PCNX1: variants seen among roughly 807,000 people sequenced by gnomAD.
The protein encoded by PCNX1 is pecanex-like protein 1.
PCNX1 carries 78 observed loss-of-function variants against 242.2 expected under a neutral mutation model. The ratio of observed to expected loss-of-function variants is 0.32; its 90% CI spans 0.27 to 0.39. The LOEUF is 0.39. Among genes scored for constraint, PCNX1 ranks in the 10% least tolerant of loss-of-function variants. The pLI, the probability that PCNX1 is intolerant of heterozygous loss-of-function variation, is 1.00. For missense variants in PCNX1, 2,581 were observed against 2,856.5 expected (o/e 0.90, Z 2.20); for synonymous variants, 1,024 against 1,032.9 (o/e 0.99, Z 0.17).
chr14:71,071,089 A>G (rs537321743), intron 26 of PCNX1, among the ~76,000 whole-genome samples: 2 of 152,286 alleles, frequency 1.3e-5, no homozygotes, highest in South Asian at 2.1e-4. Context: ...CCCAATCTCT[A>G]CTAGCTTCCA....
At chr14:71,105,554 T>A (rs79334123) in intron 33 of PCNX1, 114 bp downstream of exon 33, 3 of 251,874 alleles carry the variant, frequency 1.2e-5, no homozygotes, top group Non-Finnish European at 2.0e-5. Context: ...AGAAATAGAA[T>A]TTTTTTTTTT....
rs1239193700 is a variant in PCNX1, at chr14:70,978,168, G to A, written c.1831G>A (p.Ala611Thr). The A allele has an allele frequency of 1.2e-6, 2 of 1,614,094 alleles. No homozygotes were observed. Among genetic ancestry groups the A allele is most frequent in the South Asian group, 1.1e-5 (1 of 91,082 alleles). The part of the protein sequence containing the change: ...DSSDQSDLSR[A>T]SSVQSAHQFS... ...TAGTGATCAGAGTGACTTGAGTAGA[G>A]CATCAAGTGTTCAGTCTGCTCACCA... is the stretch of plus-strand genomic sequence containing the variant. The change falls in exon 6 of 36, where the codon GCA becomes ACA. Residue 611 changes from alanine to threonine, a missense_variant. This residue lies in a region of PCNX1 where 1,204 missense variants were observed against 1,216.7 expected (regional missense o/e 0.99). Transcript: ENST00000304743.
chr14:71,062,938 G>A lies in PCNX1; in HGVS notation c.4852+5214G>A, dbSNP rs114037959. ...GATACCTACCATTGTATTACCGTTAGTGACATTATTCAGTACTATAACATG... is the reference window on the plus strand; with the variant it reads ...GATACCTACCATTGTATTACCGTTAATGACATTATTCAGTACTATAACATG... On this transcript the variant is annotated intron_variant, in intron 26 of 35. Transcript: ENST00000304743. Among the ~76,000 whole-genome samples the A allele has an allele frequency of 4.9e-3, 743 of 152,288 alleles. 8 individuals carry two copies. The highest frequency in any genetic ancestry group is 0.017 in the African/African-American group (711 of 41,560).
intron 14 of PCNX1, 41 bp downstream of exon 14, chr14:71,026,329 A>AT (rs1183252200): frequency 1.7e-6 from 2 of 1,209,256 alleles, no homozygotes; most frequent in Non-Finnish European, 2.3e-6. Flanking sequence ...AAATTAATTT[A>AT]TTTGTATATC....
At chr14:70,927,110 T>C (rs1433336251) in intron 1 of PCNX1, among the ~76,000 whole-genome samples, 1 of 152,216 alleles carries the variant, frequency 6.6e-6, no homozygotes, top group African/African-American at 2.4e-5. Context: ...CCAGTGTATG[T>C]AGTGCTTGGT....
intron 25 of PCNX1, among the ~76,000 whole-genome samples, chr14:71,056,387 G>A: frequency 6.6e-6 from 1 of 152,184 alleles, no homozygotes; most frequent in Non-Finnish European, 1.5e-5. Flanking sequence ...TCATGCTGAT[G>A]ATGCCATCCT....
chr14:70,969,000 A>G (rs771688405), intron 4 of PCNX1, 21 bp from the exon 5 acceptor site: 3 of 1,426,624 alleles, frequency 2.1e-6, no homozygotes, highest in Middle Eastern at 1.7e-4. Context: ...AGGTCCTCAC[A>G]TGTTTCTCTT....
intron 1 of PCNX1, among the ~76,000 whole-genome samples, chr14:70,916,183 G>A (rs2056145987): frequency 6.6e-6 from 1 of 152,188 alleles, no homozygotes; most frequent in African/African-American, 2.4e-5. Flanking sequence ...TGGTAGGATT[G>A]TTGAACAATT....
intron 3 of PCNX1, among the ~76,000 whole-genome samples, chr14:70,966,508 C>T (rs2058382445): frequency 6.6e-6 from 1 of 152,168 alleles, no homozygotes; most frequent in African/African-American, 2.4e-5. Flanking sequence ...TCTTCTCAGA[C>T]ACACAAAGAC....
chr14:71,089,219 G>A lies in PCNX1; in HGVS notation c.5466G>A (p.Leu1822=), dbSNP rs1478252015. The change falls in exon 30 of 36, where the codon TTG becomes TTA. Residue 1822 remains leucine, a synonymous_variant. Transcript: ENST00000304743. The part of the protein sequence containing the change: ...SSNLESFLYG[L]HALFKGDFRI... The stretch of plus-strand genomic sequence containing the variant: ...ATTTAGAGTCATTCCTCTATGGATT[G>A]CATGCCCTATTTAAAGGAGATTTCC... 1 of 1,610,566 alleles carries A rather than the reference G, an allele frequency of 6.2e-7. No individual in the cohort carries two copies. The highest frequency in any genetic ancestry group is 1.7e-5 in the Admixed American group (1 of 59,924).
intron 13 of PCNX1, among the ~76,000 whole-genome samples, chr14:71,025,401 A>G (rs1464339250): frequency 6.6e-6 from 1 of 152,050 alleles, no homozygotes; most frequent in Non-Finnish European, 1.5e-5. Context: ...TGTTGTAGCC[A>G]GAAACCAGTC....
At chr14:71,052,147 T>C in intron 24 of PCNX1, 135 bp downstream of exon 24, 1 of 657,594 alleles carries the variant, frequency 1.5e-6, no homozygotes. Context: ...ACTTAATAAA[T>C]AGTCTTAAAA....
intron 24 of PCNX1, chr14:71,053,234 G>A: frequency 2.2e-6 from 1 of 450,724 alleles, no homozygotes. Flanking sequence ...TTAACTTTTT[G>A]GATTTAGAAC....
intron 16 of PCNX1, among the ~76,000 whole-genome samples, chr14:71,030,236 C>T (rs963721013): frequency 6.6e-6 from 1 of 152,146 alleles, no homozygotes. Flanking sequence ...TGGCATTTAC[C>T]TGTATAGATC....
At chr14:71,095,062 G>T (rs910289109) in intron 30 of PCNX1, among the ~76,000 whole-genome samples, 1 of 152,168 alleles carries the variant, frequency 6.6e-6, no homozygotes, top group Non-Finnish European at 1.5e-5. Context: ...TCCCAATTTT[G>T]TAGAAGATTA....
At chr14:71,094,711 A>G (rs1414410427) in intron 30 of PCNX1, among the ~76,000 whole-genome samples, 1 of 152,158 alleles carries the variant, frequency 6.6e-6, no homozygotes, top group Non-Finnish European at 1.5e-5. Context: ...GAGGATCTCT[A>G]GAGTCCAGGA....
At chr14:70,948,512 G>A (rs1423989454) in intron 2 of PCNX1, among the ~76,000 whole-genome samples, 2 of 151,548 alleles carry the variant, frequency 1.3e-5, no homozygotes, top group Admixed American at 1.3e-4. Flanking sequence ...ATTCAGCATG[G>A]CTTATAAATC....
At chr14:71,046,033 T>C (rs2060851224) in intron 20 of PCNX1, among the ~76,000 whole-genome samples, 1 of 152,136 alleles carries the variant, frequency 6.6e-6, no homozygotes. Flanking sequence ...TAAGCCAACT[T>C]TTTTCTCACA....
intron 1 of PCNX1, among the ~76,000 whole-genome samples, chr14:70,942,530 T>A (rs2057294803): frequency 6.6e-6 from 1 of 152,182 alleles, no homozygotes; most frequent in Non-Finnish European, 1.5e-5. Flanking sequence ...CTGCAGCAGG[T>A]GCTTCAGCAG....
Sources: allele counts gnomAD v4.1 joint callset (sites outside exome capture counted in the v4.1 genomes callset), GRCh38; gene constraint gnomAD v4.1.1; regional missense constraint gnomAD v4.1.1; transcripts MANE v1.5; gene names NCBI Gene and HGNC (gene_info 2026-07-23, HGNC 2026-07-21).